Variants in ARHGEF10 observed in about 807,000 individuals in gnomAD.
ARHGEF10 encodes Rho guanine nucleotide exchange factor 10.
In ARHGEF10, 140 loss-of-function variants were observed where a neutral mutation model predicts 147.4. The ratio of observed to expected loss-of-function variants is 0.95; its 90% CI spans 0.83 to 1.09. ARHGEF10 has a LOEUF of 1.09. Among genes scored for constraint, ARHGEF10 ranks in the 50% least tolerant of loss-of-function variants. ARHGEF10 has a pLI of 0.00. For synonymous variants in ARHGEF10, 902 were observed against 695.8 expected (o/e 1.30, Z -4.67); for missense variants, 2,222 against 1,752.7 (o/e 1.27, Z -4.78).
At chr8:1,929,093 C>G (rs918497108) in intron 24 of ARHGEF10, among the ~76,000 whole-genome samples, 193 bp from the exon 25 acceptor site, 2 of 152,046 alleles carry the variant, frequency 1.3e-5, no homozygotes, top group Admixed American at 1.3e-4. Flanking sequence ...TTCATATATC[C>G]CAGAATTTCC....
intron 7 of ARHGEF10, among the ~76,000 whole-genome samples, chr8:1,872,643 A>T (rs1807224979): frequency 6.6e-6 from 1 of 152,242 alleles, no homozygotes; most frequent in Non-Finnish European, 1.5e-5. Context: ...GCATGTGTTT[A>T]AAAAGCACTT....
intron 11 of ARHGEF10, among the ~76,000 whole-genome samples, chr8:1,893,263 T>G (rs1403049501): frequency 1.3e-5 from 2 of 152,220 alleles, no homozygotes; most frequent in African/African-American, 4.8e-5. Flanking sequence ...GTTGGATACA[T>G]AAAATACAAT....
At chr8:1,901,878 C>G (rs1810492282) in intron 15 of ARHGEF10, among the ~76,000 whole-genome samples, 1 of 152,168 alleles carries the variant, frequency 6.6e-6, no homozygotes, top group Non-Finnish European at 1.5e-5. Context: ...ATGCAATGTC[C>G]TTTCCAGATT....
chr8:1,868,796 G>A (rs1281658266), intron 6 of ARHGEF10, among the ~76,000 whole-genome samples: 2 of 152,126 alleles, frequency 1.3e-5, no homozygotes, highest in East Asian at 1.9e-4. Flanking sequence ...GCGTCAGAAC[G>A]TCAACTTCAT....
chr8:1,931,384 G>A (rs1009144011), intron 25 of ARHGEF10, among the ~76,000 whole-genome samples: 5 of 152,148 alleles, frequency 3.3e-5, no homozygotes, highest in Admixed American at 6.5e-5. Flanking sequence ...GGGTTTACTA[G>A]CGAGCATCTC....
intron 18 of ARHGEF10, among the ~76,000 whole-genome samples, chr8:1,918,078 G>A (rs183301594): frequency 2.0e-5 from 3 of 152,280 alleles, no homozygotes; most frequent in East Asian, 3.9e-4. Context: ...GTGAGCCACC[G>A]CGCCTGAACT....
chr8:1,902,047 A>G (rs2129172131), intron 15 of ARHGEF10, among the ~76,000 whole-genome samples: 1 of 151,996 alleles, frequency 6.6e-6, no homozygotes, highest in Admixed American at 6.5e-5. Flanking sequence ...TTTGTTCCAT[A>G]GGTATACCTG....
In ARHGEF10 at chr8:1,956,735, GT is replaced by G; in HGVS notation, c.3521-11del. 1 of 1,613,658 alleles carries G rather than the reference GT, an allele frequency of 6.2e-7. No homozygotes were observed. The highest frequency in any genetic ancestry group is 1.1e-5 in the South Asian group (1 of 91,080). ...TATTTTAAAAGACAGCTGTTGAACT[GT>G]TTCCCTTTTCAGGAAGAGGCATGGT... On this transcript the variant is annotated splice_polypyrimidine_tract_variant and intron_variant, in intron 28 of 28. Coordinates refer to ENST00000349830, the MANE Select transcript of ARHGEF10 (RefSeq NM_014629.4).
In ARHGEF10 at chr8:1,893,519, T is replaced by C. The variant is rs745365842; in HGVS notation, c.1183-50T>C. ...TCAGCATAGAAGTAAAATGTATCTG[T>C]GTGTATTATAAAGCAGTTTTCTATC... On this transcript the variant is annotated intron_variant, in intron 11 of 28. Coordinates refer to ENST00000349830, the MANE Select transcript of ARHGEF10 (RefSeq NM_014629.4). 3 of 1,193,632 alleles carry C rather than the reference T, an allele frequency of 2.5e-6. No homozygotes were observed. The African/African-American group carries it at 4.5e-5, about 18-fold the overall frequency. 73.9% of individuals were successfully genotyped at this position (1,193,632 alleles called of 1,614,324 possible).
chr8:1,957,188 G>T lies in ARHGEF10; in HGVS notation c.3960G>T (p.Arg1320Ser). The T allele has an allele frequency of 6.2e-7, 1 of 1,612,474 alleles. No individual in the cohort carries two copies. The highest frequency in any genetic ancestry group is 8.5e-7 in the Non-Finnish European group (1 of 1,179,980). Residue 1320 changes from arginine (R) to serine (S), a missense_variant, in exon 29 of 29, where the codon AGG becomes AGT. Arg to Ser is a moderately radical substitution (Grantham distance 110). Transcript: ENST00000349830. ...GGCAGGGCCACCGCCGGGTGCACAGGAAGGCCCGGCAGCCCCACCAGGAAG... is the reference window on the plus strand; with the variant it reads ...GGCAGGGCCACCGCCGGGTGCACAGTAAGGCCCGGCAGCCCCACCAGGAAG... ...CGGQGHRRVH[R>S]KARQPHQEEL... is the part of the protein sequence containing the mutation.
intron 16 of ARHGEF10, 24 bp from the exon 17 acceptor site, chr8:1,905,547 C>G (rs1483388472): frequency 3.1e-6 from 5 of 1,614,012 alleles, no homozygotes; most frequent in Non-Finnish European, 4.2e-6. Context: ...ACTGTGGTCC[C>G]TGGGCTGTGT....
intron 18 of ARHGEF10, among the ~76,000 whole-genome samples, chr8:1,918,536 C>G (rs1239069990): frequency 6.7e-6 from 1 of 148,864 alleles, no homozygotes. Flanking sequence ...TTTTAGTTGA[C>G]AAATAATCAT....
intron 7 of ARHGEF10, among the ~76,000 whole-genome samples, chr8:1,872,029 A>G (rs1364530779): frequency 1.3e-5 from 2 of 152,176 alleles, no homozygotes; most frequent in East Asian, 1.9e-4. Flanking sequence ...CTCTGGTTAT[A>G]TTAAGATGAC....
chr8:1,866,994 A>G (rs1806680138), intron 6 of ARHGEF10, among the ~76,000 whole-genome samples: 1 of 150,580 alleles, frequency 6.6e-6, no homozygotes, highest in South Asian at 2.1e-4. Context: ...ACCCGTTTTG[A>G]AGAGGGGGCG....
At chr8:1,922,072 G>T (rs1369887536) in intron 18 of ARHGEF10, among the ~76,000 whole-genome samples, 1 of 152,096 alleles carries the variant, frequency 6.6e-6, no homozygotes, top group African/African-American at 2.4e-5. Flanking sequence ...AGTCAGATGG[G>T]GAGATGGGGG....
At chr8:1,869,677 C>T in intron 7 of ARHGEF10, 1 of 315,362 alleles carries the variant, frequency 3.2e-6, no homozygotes, top group South Asian at 2.9e-5. Context: ...CATAGAGATT[C>T]AAAGCAAGAT....
chr8:1,891,939 T>C (rs1809562263), intron 11 of ARHGEF10, among the ~76,000 whole-genome samples: 1 of 150,136 alleles, frequency 6.7e-6, no homozygotes, highest in Non-Finnish European at 1.5e-5. Context: ...TTAAAAAATA[T>C]ACATACATAA....
intron 11 of ARHGEF10, among the ~76,000 whole-genome samples, chr8:1,888,159 G>T (rs1221145137): frequency 1.2e-5 from 1 of 83,268 alleles, no homozygotes; most frequent in Non-Finnish European, 2.6e-5. Context: ...TGGGGCGAGG[G>T]TTGCGAGGAG....
At chr8:1,850,418 G>A (rs1377447398) in intron 2 of ARHGEF10, among the ~76,000 whole-genome samples, 30 of 146,656 alleles carry the variant, frequency 2.0e-4, no homozygotes, top group East Asian at 2.1e-4. Context: ...TGGGGCAACC[G>A]CGTGGACACA....
Sources: gnomAD v4.1 joint callset for allele counts (sites outside exome capture counted in the v4.1 genomes callset) on GRCh38, gnomAD v4.1.1 for gene constraint, MANE v1.5 for transcripts, NCBI Gene and HGNC (gene_info 2026-07-23, HGNC 2026-07-21) for gene names.